TENM3: variants seen among roughly 807,000 people sequenced by gnomAD.
TENM3 encodes the protein teneurin-3.
Under a neutral mutation model 255.1 loss-of-function variants are expected in TENM3, and 63 were observed. That is an observed-to-expected ratio of 0.25 (90% CI 0.20 to 0.30). The LOEUF (loss-of-function observed/expected upper bound fraction) is 0.30, where lower values mean the gene tolerates loss of function less well. Among genes scored for constraint, TENM3 ranks in the 10% least tolerant of loss-of-function variants. TENM3 has a pLI of 1.00. For synonymous variants in TENM3, 1,306 were observed against 1,322.3 expected, an observed-to-expected ratio of 0.99 and a Z score of 0.27; for missense variants, 2,929 against 3,461.1, an observed-to-expected ratio of 0.85 and a Z score of 3.86.
At chr4:182,507,520 A>G (rs1022116988) in intron 3 of TENM3, among the ~76,000 whole-genome samples, 1 of 152,152 alleles carries the variant, frequency 6.6e-6, no homozygotes, top group Non-Finnish European at 1.5e-5. Flanking sequence ...TTTTTTATAT[A>G]AATCAGTGTG....
chr4:182,526,720 C>T (rs1739226408), intron 3 of TENM3, among the ~76,000 whole-genome samples: 1 of 152,174 alleles, frequency 6.6e-6, no homozygotes, highest in Non-Finnish European at 1.5e-5. Context: ...TACTGTGGAG[C>T]CTCAATAGCT....
At chr4:182,480,503 T>C (rs1734091859) in intron 3 of TENM3, among the ~76,000 whole-genome samples, 1 of 152,086 alleles carries the variant, frequency 6.6e-6, no homozygotes, top group Non-Finnish European at 1.5e-5. Context: ...AATACAGTTT[T>C]TAAGTTTGCT....
At chr4:182,125,540 A>G in the TENM3 span, among the ~76,000 whole-genome samples, 3 of 152,192 alleles carry the variant, frequency 2.0e-5, no homozygotes, top group African/African-American at 7.2e-5. Flanking sequence ...AGCAGCATGG[A>G]GATCTTGGGC....
chr4:182,389,178 T>A (rs115655075), intron 3 of TENM3, among the ~76,000 whole-genome samples: 211 of 152,304 alleles, frequency 1.4e-3, no homozygotes, highest in African/African-American at 4.9e-3. Flanking sequence ...GTAAGGATAG[T>A]TGCCCGTGTT....
At chr4:181,670,322 T>G in the TENM3 span, among the ~76,000 whole-genome samples, 1 of 152,164 alleles carries the variant, frequency 6.6e-6, no homozygotes, top group Admixed American at 6.6e-5. Context: ...GAGTGACCGG[T>G]TTGTAACCGT....
chr4:182,403,817 G>A (rs1769367807), intron 3 of TENM3, among the ~76,000 whole-genome samples: 1 of 152,118 alleles, frequency 6.6e-6, no homozygotes, highest in African/African-American at 2.4e-5. Context: ...AACCTCCTGG[G>A]CTCAGATCCT....
chr4:182,748,992 C>A (rs1762196703), intron 19 of TENM3, among the ~76,000 whole-genome samples: 1 of 152,174 alleles, frequency 6.6e-6, no homozygotes, highest in Non-Finnish European at 1.5e-5. Context: ...TCTCTCTTTA[C>A]TTCCCCACTA....
the TENM3 span, among the ~76,000 whole-genome samples, chr4:181,515,837 C>T: frequency 6.6e-6 from 1 of 152,078 alleles, no homozygotes; most frequent in African/African-American, 2.4e-5. Flanking sequence ...ACAGCAATCC[C>T]CTTACTGGGA....
At chr4:181,767,216 C>T in the TENM3 span, among the ~76,000 whole-genome samples, 11 of 139,768 alleles carry the variant, frequency 7.9e-5, no homozygotes, top group East Asian at 1.7e-3. Context: ...GGTGCCACTG[C>T]GCTCCAGCCT....
chr4:182,457,645 A>G (rs999150798), intron 3 of TENM3, among the ~76,000 whole-genome samples: 2 of 143,802 alleles, frequency 1.4e-5, no homozygotes, highest in Admixed American at 7.5e-5. Context: ...ACAGCCTCCA[A>G]CTCCTAGGCA....
chr4:182,145,799 CATCAT>C (rs1444104672), intron 1 of TENM3, among the ~76,000 whole-genome samples: 5 of 152,226 alleles, frequency 3.3e-5, no homozygotes, highest in Non-Finnish European at 7.3e-5. Context: ...ACTGTCTCTT[CATCAT>C]GCTCTATTTC....
intron 24 of TENM3, among the ~76,000 whole-genome samples, chr4:182,781,623 G>C (rs1434595249): frequency 2.0e-5 from 3 of 151,360 alleles, no homozygotes; most frequent in Non-Finnish European, 4.4e-5. Flanking sequence ...AGTTTCAGAA[G>C]GAATGGTACC....
At chr4:181,657,735 C>T in the TENM3 span, among the ~76,000 whole-genome samples, 2 of 152,050 alleles carry the variant, frequency 1.3e-5, no homozygotes, top group Admixed American at 6.6e-5. Context: ...ACCTAGATGC[C>T]CATCAATGGT....
At chr4:182,635,973 C>A (rs1470202221) in intron 5 of TENM3, among the ~76,000 whole-genome samples, 1 of 152,148 alleles carries the variant, frequency 6.6e-6, no homozygotes, top group Non-Finnish European at 1.5e-5. Context: ...CTATATATGG[C>A]AAAATAAAAT....
chr4:182,597,921 T>C (rs1391180648), intron 3 of TENM3, among the ~76,000 whole-genome samples: 1 of 152,220 alleles, frequency 6.6e-6, no homozygotes, highest in East Asian at 1.9e-4. Flanking sequence ...GGCTCATGCC[T>C]GTAATCCCAG....
the TENM3 span, among the ~76,000 whole-genome samples, chr4:181,594,314 A>T: frequency 1.3e-5 from 2 of 152,166 alleles, no homozygotes; most frequent in Non-Finnish European, 2.9e-5. Context: ...AGCAATTTTT[A>T]TTTAAGAGTT....
the TENM3 span, among the ~76,000 whole-genome samples, chr4:181,916,530 T>A: frequency 1.4e-3 from 219 of 152,028 alleles, no homozygotes; most frequent in African/African-American, 5.0e-3. Flanking sequence ...AGTAAAAGGG[T>A]TATTGAAAGT....
At chr4:182,152,476 A>T (rs1268965936) in intron 1 of TENM3, among the ~76,000 whole-genome samples, 1 of 151,958 alleles carries the variant, frequency 6.6e-6, no homozygotes, top group African/African-American at 2.4e-5. Flanking sequence ...TTCTTTCCAA[A>T]TATGAGTAGA....
intron 25 of TENM3, among the ~76,000 whole-genome samples, chr4:182,791,197 C>T (rs978590361): frequency 6.6e-6 from 1 of 152,214 alleles, no homozygotes; most frequent in Non-Finnish European, 1.5e-5. Context: ...TACTACACAA[C>T]CTGCATGCAA....
Sources: allele counts gnomAD v4.1 joint callset (sites outside exome capture counted in the v4.1 genomes callset), GRCh38; gene constraint gnomAD v4.1.1; transcripts MANE v1.5; gene names NCBI Gene and HGNC (gene_info 2026-07-23, HGNC 2026-07-21).